The following SSBP3 variants were observed in gnomAD, a reference collection of about 807,000 sequenced individuals.
SSBP3 encodes the protein single stranded DNA binding protein 3, also known as single-stranded DNA-binding protein 3.
SSBP3 carries 5 observed loss-of-function variants against 69.6 expected under a neutral mutation model. The observed-to-expected ratio is 0.07, with a 90% confidence interval of 0.04 to 0.15. The LOEUF (loss-of-function observed/expected upper bound fraction) is 0.15. Ranked by LOEUF, SSBP3 falls within the 10% of genes least tolerant of loss-of-function variation. SSBP3 has a pLI of 1.00. For missense variants in SSBP3, 312 were observed against 534.0 expected (o/e 0.58, Z 4.10); for synonymous variants, 196 against 193.4 (o/e 1.01, Z -0.11).
intron 4 of SSBP3, chr1:54,286,627 C>T (rs1323204329): frequency 2.0e-5 from 3 of 152,500 alleles, no homozygotes; most frequent in Non-Finnish European, 4.4e-5. Flanking sequence ...ACCAGAGATC[C>T]TCAGCAATCC....
At chr1:54,351,653 C>G (rs377423572) in intron 4 of SSBP3, among the ~76,000 whole-genome samples, 1 of 152,202 alleles carries the variant, frequency 6.6e-6, no homozygotes, top group African/African-American at 2.4e-5. Context: ...GTTCCTCTGG[C>G]GTGTGGGATA....
At chr1:54,311,060 G>A (rs1338988968) in intron 4 of SSBP3, among the ~76,000 whole-genome samples, 21 of 152,140 alleles carry the variant, frequency 1.4e-4, no homozygotes, top group Admixed American at 1.2e-3. Context: ...TCTATTTCGC[G>A]GACCCTAATC....
intron 4 of SSBP3, among the ~76,000 whole-genome samples, chr1:54,333,718 G>A (rs1013076859): frequency 6.6e-6 from 1 of 152,152 alleles, no homozygotes; most frequent in Non-Finnish European, 1.5e-5. Context: ...AATAATGGAG[G>A]TGATACATGT....
In SSBP3 at chr1:54,247,370, G is replaced by T. The variant is rs186560654; in HGVS notation, c.652-4071C>A. On this transcript the variant is annotated intron_variant, in intron 9 of 17. Coordinates refer to ENST00000610401, the Ensembl canonical transcript of SSBP3. The stretch of plus-strand genomic sequence containing the variant: ...CACCTACCAGAGTGGATTTGAGGCT[G>T]TCCCAGCCATTTTCTGGGCAGCAGG... 4.7e-3 allele frequency among the ~76,000 whole-genome samples: 723 copies of T among 152,340 alleles called. 4 individuals are homozygous for T. Among genetic ancestry groups the T allele is most frequent in the Non-Finnish European group, 8.7e-3 (593 of 68,014 alleles).
intron 4 of SSBP3, among the ~76,000 whole-genome samples, chr1:54,304,859 A>G (rs1645869093): frequency 6.6e-6 from 1 of 152,146 alleles, no homozygotes; most frequent in African/African-American, 2.4e-5. Flanking sequence ...TACGCAGGGT[A>G]GCTGCTGAGA....
intron 9 of SSBP3, among the ~76,000 whole-genome samples, chr1:54,251,180 G>A (rs767136161): frequency 2.6e-5 from 4 of 152,270 alleles, no homozygotes; most frequent in Non-Finnish European, 2.9e-5. Context: ...ATGCTAAGTC[G>A]CAGGCAGAGC....
At chr1:54,402,653 T>C (rs549368163) in intron 3 of SSBP3, among the ~76,000 whole-genome samples, 27 of 151,802 alleles carry the variant, frequency 1.8e-4, no homozygotes, top group African/African-American at 5.5e-4. Flanking sequence ...TCCTTTCACA[T>C]TGCAGTAGAG....
chr1:54,306,734 G>A (rs752309850), intron 4 of SSBP3, among the ~76,000 whole-genome samples: 21 of 152,066 alleles, frequency 1.4e-4, no homozygotes, highest in Non-Finnish European at 1.5e-4. Flanking sequence ...CAGGCCTAGT[G>A]GCACACACGT....
intron 4 of SSBP3, among the ~76,000 whole-genome samples, chr1:54,364,728 G>T (rs546500225): frequency 6.6e-6 from 1 of 152,090 alleles, no homozygotes; most frequent in African/African-American, 2.4e-5. Context: ...CCAAAAGCAC[G>T]TGTGCTAATG....
intron 14 of SSBP3, among the ~76,000 whole-genome samples, chr1:54,235,756 A>G (rs577441679): frequency 6.6e-6 from 1 of 152,114 alleles, no homozygotes; most frequent in Non-Finnish European, 1.5e-5. Flanking sequence ...CCAGATGTCC[A>G]TCATTTTTTA....
At chr1:54,322,382 A>G (rs977296531) in intron 4 of SSBP3, among the ~76,000 whole-genome samples, 48 of 152,260 alleles carry the variant, frequency 3.2e-4, no homozygotes, top group African/African-American at 1.1e-3. Context: ...GCCAATAGCC[A>G]CCAGCACAGA....
At chr1:54,398,957 T>C (rs1306460634) in intron 4 of SSBP3, among the ~76,000 whole-genome samples, 1 of 152,188 alleles carries the variant, frequency 6.6e-6, no homozygotes, top group Non-Finnish European at 1.5e-5. Flanking sequence ...TTATTTACAC[T>C]CTACTTGATT....
At chr1:54,264,830 C>T (rs1317038289) in intron 5 of SSBP3, among the ~76,000 whole-genome samples, 3 of 152,150 alleles carry the variant, frequency 2.0e-5, no homozygotes, top group Non-Finnish European at 4.4e-5. Flanking sequence ...TAAAACACTC[C>T]ACACATCCTC....
intron 5 of SSBP3, among the ~76,000 whole-genome samples, chr1:54,280,391 A>G (rs1007808382): frequency 2.0e-5 from 3 of 152,204 alleles, no homozygotes; most frequent in African/African-American, 7.2e-5. Flanking sequence ...ATTCTGGCCT[A>G]TACCAAGCAA....
chr1:54,244,785 C>T (rs1222178136), intron 9 of SSBP3, among the ~76,000 whole-genome samples: 1 of 152,164 alleles, frequency 6.6e-6, no homozygotes, highest in East Asian at 1.9e-4. Context: ...TACTCAGCTC[C>T]AAGAGCAGCT....
chr1:54,235,223 C>A (rs1438265910), intron 14 of SSBP3, among the ~76,000 whole-genome samples: 1 of 151,536 alleles, frequency 6.6e-6, no homozygotes, highest in Non-Finnish European at 1.5e-5. Flanking sequence ...GTCAATCAGG[C>A]CTTTGCATCT....
intron 5 of SSBP3, among the ~76,000 whole-genome samples, chr1:54,278,972 A>T (rs1261988740): frequency 6.6e-6 from 1 of 152,244 alleles, no homozygotes; most frequent in African/African-American, 2.4e-5. Context: ...ACCTCCTTCC[A>T]GAGAGATACC....
At chr1:54,286,469 A>G (rs1018898247) in intron 4 of SSBP3, 2 of 152,064 alleles carry the variant, frequency 1.3e-5, no homozygotes, top group African/African-American at 4.8e-5. Flanking sequence ...AGCCAGGGAG[A>G]CTTGTGAAGA....
chr1:54,397,158 A>T (rs374335893), intron 4 of SSBP3, among the ~76,000 whole-genome samples: 2 of 152,056 alleles, frequency 1.3e-5, no homozygotes, highest in South Asian at 2.1e-4. Context: ...ACTTGCCAGG[A>T]CCTCTGGGCA....
Sources: gnomAD v4.1 joint callset for allele counts (sites outside exome capture counted in the v4.1 genomes callset) on GRCh38, gnomAD v4.1.1 for gene constraint, MANE v1.5 for transcripts, NCBI Gene and HGNC (gene_info 2026-07-23, HGNC 2026-07-21) for gene names.